The following CWH43 variants were observed in gnomAD, a reference collection of about 807,000 sequenced individuals.
The protein encoded by CWH43 is PGAP2-interacting protein.
A neutral mutation model predicts 85.7 loss-of-function variants in CWH43; 91 were observed. The ratio of observed to expected loss-of-function variants is 1.06; its 90% CI spans 0.90 to 1.26. The LOEUF is 1.26. Among genes scored for constraint, CWH43 ranks in the 50% most tolerant of loss-of-function variants. The pLI is 0.00. For missense variants in CWH43, 869 were observed against 839.2 expected, an observed-to-expected ratio of 1.04 and a Z score of -0.44; for synonymous variants, 323 against 293.6, an observed-to-expected ratio of 1.10 and a Z score of -1.02.
intron 11 of CWH43, 42 bp downstream of exon 11, chr4:49,031,002 A>G (rs532966404): frequency 2.6e-6 from 4 of 1,527,618 alleles, no homozygotes; most frequent in Non-Finnish European, 2.6e-6. Context: ...TAGTCATGAA[A>G]GGCTAGGCTG....
At chr4:48,990,871 A>G (rs1577649672) in intron 2 of CWH43, among the ~76,000 whole-genome samples, 1 of 152,234 alleles carries the variant, frequency 6.6e-6, no homozygotes, top group Non-Finnish European at 1.5e-5. Flanking sequence ...CAAAATGGAA[A>G]CAACCTAAAT....
chr4:49,061,743 CA>C, intron 15 of CWH43, 68 bp from the exon 16 acceptor site: 1 of 1,159,714 alleles, frequency 8.6e-7, no homozygotes. Context: ...TGAAATTTTA[CA>C]TAAGAACATA....
intron 12 of CWH43, among the ~76,000 whole-genome samples, chr4:49,037,344 T>G (rs1164596188): frequency 1.3e-5 from 2 of 152,038 alleles, no homozygotes; most frequent in African/African-American, 4.8e-5. Flanking sequence ...ACAAGGTGGG[T>G]GGATTGCTTG....
Position 49,009,385 on chromosome 4 carries a change from T to G in CWH43, c.1186+2059T>G, listed in dbSNP as rs561790335. ...TTAAGGAGATTTTGGGCTGAAATGA[T>G]GGGGTTTTCTAAATATACAGTCATG... On this transcript the variant is annotated intron_variant, in intron 8 of 15. Transcript: ENST00000226432. 9.9e-5 allele frequency among the ~76,000 whole-genome samples: 15 copies of G among 152,280 alleles called. 1 individual carries two copies. The South Asian group carries it at 1.5e-3, about 15-fold the overall frequency.
In CWH43 at chr4:49,062,019, A is replaced by G. The variant is rs1785177798; in HGVS notation, c.*129A>G. On this transcript the variant is annotated 3_prime_UTR_variant, in exon 16 of 16. Transcript: ENST00000226432. ...TCAACTTAAAAAACACATGGTATCT[A>G]TGCAGTGGGAAATTACCTCCATTTG... 1 of 612,852 alleles carries G rather than the reference A, an allele frequency of 1.6e-6. No homozygotes were observed. Among genetic ancestry groups the G allele is most frequent in the Non-Finnish European group, 2.3e-6 (1 of 433,542 alleles). The allele number at this position is 612,852 out of a possible 1,614,324, so 38.0% of individuals were successfully genotyped here.
intron 2 of CWH43, among the ~76,000 whole-genome samples, chr4:48,990,767 C>G (rs1782635720): frequency 6.6e-6 from 1 of 152,174 alleles, no homozygotes; most frequent in South Asian, 2.1e-4. Context: ...TCTAACAACT[C>G]TATTCCTTGG....
At chr4:49,028,799 G>C in intron 10 of CWH43, 65 bp downstream of exon 10, 1 of 1,081,598 alleles carries the variant, frequency 9.2e-7, no homozygotes. Context: ...ATTTTCAGCA[G>C]GGTCATAAGC....
Position 49,054,021 on chromosome 4 carries a change from A to C in CWH43, c.2021+3172A>C, listed in dbSNP as rs1159649030. Among the ~76,000 whole-genome samples, 9 of 152,264 alleles carry C rather than the reference A, an allele frequency of 5.9e-5. No individual in the cohort carries two copies. In the East Asian group the frequency reaches 1.7e-3, roughly 29 times the overall value. ...ATATAGAAGCTTGTTAGTTCGATAG[A>C]ATCCCATTTGTCTATTTTTGCTATT... On this transcript the variant is annotated intron_variant, in intron 15 of 15. Coordinates refer to ENST00000226432, the MANE Select transcript of CWH43 (RefSeq NM_025087.3).
intron 13 of CWH43, among the ~76,000 whole-genome samples, chr4:49,039,987 C>T (rs1214437592): frequency 4.6e-5 from 7 of 151,828 alleles, no homozygotes; most frequent in South Asian, 2.1e-4. Flanking sequence ...TGAGTGAGAA[C>T]ATGCGGTGTT....
At chr4:49,028,549 GA>G (rs971564504) in intron 9 of CWH43, 79 bp from the exon 10 acceptor site, 1 of 825,194 alleles carries the variant, frequency 1.2e-6, no homozygotes, top group African/African-American at 1.7e-5. Flanking sequence ...AAATTTGGTA[GA>G]GAGGAGTGGA....
At position 48,988,628 on chromosome 4, in the gene CWH43, C is replaced by A. The variant is rs527841906; in HGVS notation, c.195C>A (p.Asn65Lys). The part of the protein sequence containing the change: ...LTITPFWKLV[N>K]KKWMLTLLRI... ...TTACTCCTTTCTGGAAATTGGTTAA[C>A]AAGAAGTGGATGCTAACCCTGCTGA... Residue 65 changes from asparagine (N) to lysine (K), a missense_variant, in exon 2 of 16, where the codon AAC becomes AAA. Around this residue, in one of 3 missense-constraint regions of CWH43, gnomAD observed 140 missense variants for 122.6 expected, o/e 1.14. Transcript: ENST00000226432. The A allele has an allele frequency of 6.2e-7, 1 of 1,612,692 alleles. No homozygotes were observed. The highest frequency in any genetic ancestry group is 1.1e-5 in the South Asian group (1 of 90,840).
At chr4:49,032,960 A>G (rs921704336) in intron 12 of CWH43, among the ~76,000 whole-genome samples, 2 of 152,138 alleles carry the variant, frequency 1.3e-5, no homozygotes, top group African/African-American at 4.8e-5. Flanking sequence ...TTCCCTGTGC[A>G]GGGGCTGTCC....
intron 8 of CWH43, among the ~76,000 whole-genome samples, chr4:49,012,437 A>T (rs1488976659): frequency 1.3e-5 from 2 of 152,178 alleles, no homozygotes; most frequent in African/African-American, 4.8e-5. Flanking sequence ...AGCTCGGAGA[A>T]GTTTGTTATT....
In CWH43 at chr4:49,028,701, C is replaced by G; in HGVS notation, c.1339C>G (p.Leu447Val). The G allele has an allele frequency of 6.2e-7, 1 of 1,613,382 alleles. No individual in the cohort carries two copies. Residue 447 changes from leucine to valine, a missense_variant, in exon 10 of 16, where the codon CTA becomes GTA. Transcript: ENST00000226432. ...FGYDNEGWSSLERSAHLLNET... is the reference protein window; with the variant it reads ...FGYDNEGWSSVERSAHLLNET... ...ATATGACAATGAAGGGTGGTCTAGTCTAGAAAGATCAGCTCACCTGCTCAA... is the reference window on the plus strand; with the variant it reads ...ATATGACAATGAAGGGTGGTCTAGTGTAGAAAGATCAGCTCACCTGCTCAA...
At chr4:49,038,992 A>G (rs1784350187) in intron 13 of CWH43, among the ~76,000 whole-genome samples, 2 of 151,738 alleles carry the variant, frequency 1.3e-5, no homozygotes, top group Admixed American at 1.3e-4. Context: ...TGAGACGTAG[A>G]GCTTGCAGTG....
intron 15 of CWH43, among the ~76,000 whole-genome samples, chr4:49,056,467 A>C (rs151119307): frequency 0.029 from 4,477 of 152,200 alleles, 78 homozygotes; most frequent in South Asian, 0.04. Flanking sequence ...ATTATTGCTC[A>C]TAGTAGTCAC....
chr4:49,055,144 G>T (rs1197088585), intron 15 of CWH43, among the ~76,000 whole-genome samples: 1 of 152,042 alleles, frequency 6.6e-6, no homozygotes, highest in East Asian at 1.9e-4. Flanking sequence ...GCTGTGGGTT[G>T]TCATATATGG....
At chr4:49,024,993 A>T (rs1318065882) in intron 9 of CWH43, among the ~76,000 whole-genome samples, 1 of 151,850 alleles carries the variant, frequency 6.6e-6, no homozygotes, top group Non-Finnish European at 1.5e-5. Context: ...CTAATTATTC[A>T]TAGGTTTGGT....
rs71600797 is a variant in CWH43 at position 49,039,306 on chromosome 4, G to GATATATATAT, written c.1803+1144_1803+1153dup. Among the ~76,000 whole-genome samples, 23 of 4,602 alleles carry GATATATATAT rather than the reference G, an allele frequency of 5.0e-3. 3 individuals are homozygous for GATATATATAT. Among genetic ancestry groups the GATATATATAT allele is most frequent in the South Asian group, 6.8e-3 (1 of 146 alleles). The allele number at this position is 4,602 out of a possible 152,430, so 3.0% of individuals were successfully genotyped here. ...ACACAAATCAAATTCTCAGGAGACT[G>GATATATATAT]ATATATATATATATATATATATATA... On this transcript the variant is annotated intron_variant, in intron 13 of 15. Transcript: ENST00000226432.
Sources: gnomAD v4.1 joint callset for allele counts (sites outside exome capture counted in the v4.1 genomes callset) on GRCh38, gnomAD v4.1.1 for gene constraint, gnomAD v4.1.1 regional missense constraint, MANE v1.5 for transcripts, NCBI Gene and HGNC (gene_info 2026-07-23, HGNC 2026-07-21) for gene names.